PAK3: variants seen among roughly 807,000 people sequenced by gnomAD.
PAK3 encodes serine/threonine-protein kinase PAK 3.
In PAK3, 4 loss-of-function variants were observed where a neutral mutation model predicts 41.0. The ratio of observed to expected loss-of-function variants is 0.10; its 90% confidence interval spans 0.05 to 0.22. The LOEUF (loss-of-function observed/expected upper bound fraction) is 0.22. Among genes scored for constraint, PAK3 ranks in the 10% least tolerant of loss-of-function variants. The pLI, the probability that PAK3 is intolerant of heterozygous loss-of-function variation, is 1.00. For missense variants in PAK3, 205 were observed against 409.9 expected (o/e 0.50, Z 4.32); for synonymous variants, 146 against 139.6 (o/e 1.05, Z -0.32).
chrX:111,093,944 G>T (rs1039386134), upstream of PAK3, among the ~76,000 whole-genome samples: 5 of 111,598 alleles, frequency 4.5e-5, no homozygotes, highest in Admixed American at 9.4e-5. Context: ...TCTTAAAAAA[G>T]GTTCTTGTTT....
At chrX:111,156,729 G>A (rs1380308423) in intron 8 of PAK3, among the ~76,000 whole-genome samples, 24 of 111,581 alleles carry the variant, frequency 2.2e-4, no homozygotes. Context: ...TTAAACTCAT[G>A]ATTCTGTAAT....
At chrX:111,144,776 G>A (rs2093921018) in intron 6 of PAK3, 2 of 512,711 alleles carry the variant, frequency 3.9e-6, no homozygotes, top group Non-Finnish European at 6.5e-6. Context: ...GAAGCTAAAA[G>A]TAGGTTGGGA....
At chrX:111,182,363 G>A (rs1460599812) in intron 11 of PAK3, among the ~76,000 whole-genome samples, 1 of 109,909 alleles carries the variant, frequency 9.1e-6, no homozygotes, top group Non-Finnish European at 1.9e-5. Context: ...TTAGATGACC[G>A]TGAATACTCT....
At chrX:110,954,511 C>A (rs1291887807) in intron 1 of PAK3, among the ~76,000 whole-genome samples, 2 of 111,817 alleles carry the variant, frequency 1.8e-5, no homozygotes, top group Non-Finnish European at 3.8e-5. Context: ...AATGGTTAAA[C>A]AGAGTGTTCT....
intron 1 of PAK3, among the ~76,000 whole-genome samples, chrX:111,006,005 T>A (rs749339107): frequency 1.8e-5 from 2 of 111,188 alleles, no homozygotes; most frequent in Non-Finnish European, 3.8e-5. Context: ...AGAGTTCCTA[T>A]CCCAGCAATA....
In PAK3 at chrX:111,224,193, A is replaced by G. The variant is rs1040538670; in HGVS notation, c.*3746A>G. On this transcript the variant is annotated 3_prime_UTR_variant, in exon 18 of 18. Transcript: ENST00000372007. ...TAGGAGACTATTATCTATAAGTTAA[A>G]GCTAGGGAGATGTCACTATTAGAAC... 1 of 111,590 alleles carries G rather than the reference A, an allele frequency of 9.0e-6. No individual in the cohort carries two copies. The highest frequency in any genetic ancestry group is 1.9e-5 in the Non-Finnish European group (1 of 53,117). 9.2% of individuals were successfully genotyped at this position (111,590 alleles called of 1,213,427 possible). A position where few individuals can be genotyped will look rare whatever the true frequency, so the allele number is the denominator to read the frequency against.
intron 11 of PAK3, among the ~76,000 whole-genome samples, chrX:111,176,831 G>A (rs183471783): frequency 1.0e-3 from 110 of 110,507 alleles, no homozygotes; most frequent in African/African-American, 3.2e-3. Flanking sequence ...ATAATCTGCC[G>A]GCTTAAATCT....
At chrX:110,962,154 T>A (rs996576512) in intron 1 of PAK3, among the ~76,000 whole-genome samples, 41 of 112,156 alleles carry the variant, frequency 3.7e-4, no homozygotes, top group African/African-American at 1.3e-3. Context: ...TCTCTCCTGA[T>A]CCCTAGATCT....
In PAK3 at chrX:111,222,250, T is replaced by C. The variant is rs1411406444; in HGVS notation, c.*1803T>C. ...CTTTGCCAAGGTACATCCATCCATC[T>C]AACCATCCATATATCCACATCTTAA... On this transcript the variant is annotated 3_prime_UTR_variant, in exon 18 of 18. Coordinates refer to ENST00000372007, the MANE Select transcript of PAK3 (RefSeq NM_002578.5). The C allele has an allele frequency of 1.8e-5, 2 of 112,092 alleles. No homozygotes were observed. The highest frequency in any genetic ancestry group is 6.5e-5 in the African/African-American group (2 of 30,888). 9.2% of individuals were successfully genotyped at this position (112,092 alleles called of 1,213,427 possible).
intron 6 of PAK3, among the ~76,000 whole-genome samples, chrX:111,146,835 A>C (rs1448054737): frequency 8.9e-6 from 1 of 111,761 alleles, no homozygotes; most frequent in Non-Finnish European, 1.9e-5. Flanking sequence ...GATAATTATG[A>C]AATTGGGACT....
intron 11 of PAK3, among the ~76,000 whole-genome samples, chrX:111,178,956 GTT>G (rs1239558716): frequency 1.1e-5 from 1 of 87,502 alleles, no homozygotes; most frequent in African/African-American, 6.3e-5. Flanking sequence ...TACATAAACT[GTT>G]TTATATATAT....
chrX:111,063,951 A>G (rs2092680754), intron 1 of PAK3, among the ~76,000 whole-genome samples: 1 of 111,868 alleles, frequency 8.9e-6, no homozygotes, highest in Admixed American at 9.5e-5. Flanking sequence ...TCCAAGACTA[A>G]CTTGATTCAA....
chrX:111,008,036 G>A (rs1310429741), intron 1 of PAK3, among the ~76,000 whole-genome samples: 1 of 112,187 alleles, frequency 8.9e-6, no homozygotes, highest in African/African-American at 3.2e-5. Flanking sequence ...ACTTCATAGA[G>A]TTGTGAGTAT....
intron 1 of PAK3, among the ~76,000 whole-genome samples, chrX:111,066,210 A>G (rs746879824): frequency 1.8e-5 from 2 of 111,995 alleles, no homozygotes; most frequent in Non-Finnish European, 3.8e-5. Flanking sequence ...TTTCCTATTA[A>G]CACTGCTTTT....
intron 1 of PAK3, among the ~76,000 whole-genome samples, chrX:111,012,700 G>A (rs1468086424): frequency 8.9e-6 from 1 of 112,458 alleles, no homozygotes; most frequent in Admixed American, 9.4e-5. Flanking sequence ...GTGCTTTTAA[G>A]TATCAAGGAC....
chrX:111,181,475 A>G (rs1431807819), intron 11 of PAK3, among the ~76,000 whole-genome samples: 2 of 111,237 alleles, frequency 1.8e-5, no homozygotes, highest in East Asian at 5.7e-4. Context: ...TCAAGCCCTC[A>G]GTCCCCCCCG....
intron 1 of PAK3, among the ~76,000 whole-genome samples, chrX:111,003,519 A>C (rs2091880643): frequency 8.9e-6 from 1 of 111,859 alleles, no homozygotes; most frequent in African/African-American, 3.2e-5. Flanking sequence ...CTTCAGCATT[A>C]CAGGGCCATA....
chrX:111,208,157 G>A (rs902163552), intron 16 of PAK3, among the ~76,000 whole-genome samples: 2 of 112,598 alleles, frequency 1.8e-5, no homozygotes, highest in Non-Finnish European at 1.9e-5. Flanking sequence ...TTTTAAGATA[G>A]AAAATGTTTA....
At chrX:111,139,134 G>A (rs1187945310) in intron 5 of PAK3, among the ~76,000 whole-genome samples, 1 of 111,519 alleles carries the variant, frequency 9.0e-6, no homozygotes, top group Non-Finnish European at 1.9e-5. Context: ...TGGGGATGAA[G>A]AGAAGAGGAT....
Sources: gnomAD v4.1 joint callset for allele counts (sites outside exome capture counted in the v4.1 genomes callset) on GRCh38, gnomAD v4.1.1 for gene constraint, MANE v1.5 for transcripts, NCBI Gene and HGNC (gene_info 2026-07-23, HGNC 2026-07-21) for gene names.